CDKN2B-AS1: variants seen among roughly 807,000 people sequenced by gnomAD.
The protein encoded by CDKN2B-AS1 is CDKN2B and CDKN2A antisense cis and trans regulatory RNA 1, also known as CDKN2B antisense RNA 1 (non-protein coding).
chr9:22,113,512 G>A (rs1479440820), intron 4 of CDKN2B-AS1, among the ~76,000 whole-genome samples: 1 of 152,090 alleles, frequency 6.6e-6, no homozygotes, highest in Non-Finnish European at 1.5e-5. Context: ...CAGAGACTAG[G>A]GTATAAAATC....
At chr9:22,109,242 A>G (rs1825739795) in intron 4 of CDKN2B-AS1, among the ~76,000 whole-genome samples, 2 of 152,200 alleles carry the variant, frequency 1.3e-5, no homozygotes, top group Non-Finnish European at 2.9e-5. Context: ...TACTTTCCCT[A>G]TCAGCTGGCT....
At chr9:22,053,876 GA>G (rs1001821495) in intron 3 of CDKN2B-AS1, among the ~76,000 whole-genome samples, 83 of 151,976 alleles carry the variant, frequency 5.5e-4, no homozygotes, top group African/African-American at 1.9e-3. Flanking sequence ...AAAAAATAAG[GA>G]TTTTTACTTA....
At chr9:22,073,833 G>C (rs1332888353) in intron 4 of CDKN2B-AS1, among the ~76,000 whole-genome samples, 3 of 151,582 alleles carry the variant, frequency 2.0e-5, no homozygotes, top group Admixed American at 2.0e-4. Flanking sequence ...ATACAATGTA[G>C]TCTAGATCTA....
intron 1 of CDKN2B-AS1, among the ~76,000 whole-genome samples, chr9:22,036,444 C>T (rs1052144482): frequency 4.6e-5 from 7 of 152,062 alleles, no homozygotes; most frequent in Non-Finnish European, 1.0e-4. Context: ...AGAGGTATAA[C>T]AACAGTGTGT....
intron 4 of CDKN2B-AS1, among the ~76,000 whole-genome samples, chr9:22,069,059 T>G (rs1824181142): frequency 1.3e-5 from 2 of 152,226 alleles, no homozygotes; most frequent in African/African-American, 4.8e-5. Flanking sequence ...CATTGCATGT[T>G]AGCTTTCTTT....
At chr9:22,060,636 C>G (rs756859663) in intron 4 of CDKN2B-AS1, among the ~76,000 whole-genome samples, 1 of 152,232 alleles carries the variant, frequency 6.6e-6, no homozygotes, top group Non-Finnish European at 1.5e-5. Context: ...CAAAGCCCCA[C>G]TCTACTGGTA....
chr9:22,022,260 A>G (rs529004191), intron 1 of CDKN2B-AS1, among the ~76,000 whole-genome samples: 45 of 151,968 alleles, frequency 3.0e-4, no homozygotes, highest in Admixed American at 1.5e-3. Context: ...TGGGGTGTTA[A>G]AGTCTCCCAC....
chr9:22,060,159 C>T (rs1301071891), intron 4 of CDKN2B-AS1, among the ~76,000 whole-genome samples: 3 of 152,202 alleles, frequency 2.0e-5, no homozygotes, highest in African/African-American at 7.2e-5. Context: ...AATTTCTTCC[C>T]AGAAAATGGG....
chr9:22,050,374 C>G (rs1363387418), intron 3 of CDKN2B-AS1, among the ~76,000 whole-genome samples: 1 of 152,202 alleles, frequency 6.6e-6, no homozygotes, highest in African/African-American at 2.4e-5. Flanking sequence ...TTTTCTTCCT[C>G]TGTACTGCTG....
chr9:22,090,679 T>C (rs1012134311), intron 4 of CDKN2B-AS1, among the ~76,000 whole-genome samples: 40 of 152,100 alleles, frequency 2.6e-4, no homozygotes, highest in Non-Finnish European at 4.9e-4. Flanking sequence ...GGGGCTGTTT[T>C]TTTTTCTTGT....
At chr9:22,054,357 G>A (rs17694572) in intron 3 of CDKN2B-AS1, among the ~76,000 whole-genome samples, 13,199 of 152,190 alleles carry the variant, frequency 0.087, 583 homozygotes, top group Middle Eastern at 0.14. Context: ...GAGGTGCTCA[G>A]TTAGTGGTAT....
intron 3 of CDKN2B-AS1, among the ~76,000 whole-genome samples, chr9:22,050,765 A>G (rs962768361): frequency 6.6e-6 from 1 of 152,096 alleles, no homozygotes; most frequent in Non-Finnish European, 1.5e-5. Context: ...GAAGCTCCTT[A>G]TGCTAACTCA....
At chr9:22,062,100 G>A (rs1823845143) in intron 4 of CDKN2B-AS1, 1 of 152,148 alleles carries the variant, frequency 6.6e-6, no homozygotes, top group Non-Finnish European at 1.5e-5. Flanking sequence ...ATGGGTCTGT[G>A]AAGGGAAGAT....
intron 4 of CDKN2B-AS1, among the ~76,000 whole-genome samples, chr9:22,103,821 T>C (rs1392141387): frequency 2.6e-5 from 4 of 152,142 alleles, no homozygotes; most frequent in African/African-American, 9.7e-5. Context: ...AACAGGCACA[T>C]TGGGGTTTTC....
At chr9:22,029,065 A>AT (rs1374982968) in intron 1 of CDKN2B-AS1, among the ~76,000 whole-genome samples, 1 of 151,962 alleles carries the variant, frequency 6.6e-6, no homozygotes, top group Non-Finnish European at 1.5e-5. Flanking sequence ...AATTAAAAAA[A>AT]AAAATCCAAG....
intron 4 of CDKN2B-AS1, among the ~76,000 whole-genome samples, chr9:22,066,648 C>T (rs568300654): frequency 9.2e-5 from 14 of 151,566 alleles, no homozygotes; most frequent in Non-Finnish European, 1.8e-4. Flanking sequence ...TCAATAATGT[C>T]TCAATAAACA....
chr9:22,063,212 A>G (rs531691149), intron 4 of CDKN2B-AS1, among the ~76,000 whole-genome samples: 24 of 152,284 alleles, frequency 1.6e-4, no homozygotes, highest in African/African-American at 5.8e-4. Flanking sequence ...TGAGACAAGA[A>G]GAAAGCCTAG....
intron 4 of CDKN2B-AS1, among the ~76,000 whole-genome samples, chr9:22,122,742 T>C (rs1826126814): frequency 6.6e-6 from 1 of 152,148 alleles, no homozygotes; most frequent in Non-Finnish European, 1.5e-5. Context: ...TCTATTCTGT[T>C]CTATTGATCT....
At chr9:22,088,441 G>GCACACACACACACA (rs3222818) in intron 4 of CDKN2B-AS1, among the ~76,000 whole-genome samples, 4 of 149,810 alleles carry the variant, frequency 2.7e-5, no homozygotes, top group African/African-American at 9.8e-5. Context: ...AAATGTGCAA[G>GCACACACACACACA]CACACACACA....
Sources: allele counts gnomAD v4.1 joint callset (sites outside exome capture counted in the v4.1 genomes callset), GRCh38; gene constraint gnomAD v4.1.1; transcripts MANE v1.5; gene names NCBI Gene and HGNC (gene_info 2026-07-23, HGNC 2026-07-21).